Variants in SPAG16 observed in about 807,000 individuals in gnomAD.
SPAG16 encodes sperm-associated antigen 16 protein.
A neutral mutation model predicts 80.4 loss-of-function variants in SPAG16; 86 were observed. The observed-to-expected ratio is 1.07, with a 90% CI of 0.90 to 1.28. The LOEUF (loss-of-function observed/expected upper bound fraction) is 1.28. Ranked by LOEUF, SPAG16 falls within the 50% of genes most tolerant of loss-of-function variation. The probability of loss-of-function intolerance (pLI) is 0.00; values close to 1 mark genes in which losing one functional copy is unlikely to be tolerated. For missense variants in SPAG16, 870 were observed against 765.3 expected, an observed-to-expected ratio of 1.14 and a Z score of -1.61; for synonymous variants, 294 against 265.9, an observed-to-expected ratio of 1.11 and a Z score of -1.03.
intron 10 of SPAG16, among the ~76,000 whole-genome samples, chr2:213,572,987 A>G (rs1057310269): frequency 6.6e-6 from 1 of 152,188 alleles, no homozygotes; most frequent in African/African-American, 2.4e-5. Context: ...TTCGGGTGGG[A>G]GTGACCCGAT....
At chr2:213,823,672 C>CT (rs1238385557) in intron 10 of SPAG16, among the ~76,000 whole-genome samples, 2 of 152,064 alleles carry the variant, frequency 1.3e-5, no homozygotes, top group South Asian at 4.1e-4. Context: ...GCCTGTTGAG[C>CT]TTTTTTTCAT....
chr2:214,247,278 T>C (rs767109352), intron 15 of SPAG16, among the ~76,000 whole-genome samples: 15 of 152,156 alleles, frequency 9.9e-5, no homozygotes, highest in African/African-American at 3.1e-4. Context: ...TTTTAGGATA[T>C]TCTTTTATAT....
intron 15 of SPAG16, chr2:214,239,393 T>G (rs1689308184): frequency 6.6e-6 from 1 of 152,122 alleles, no homozygotes; most frequent in Non-Finnish European, 1.5e-5. Flanking sequence ...CTCTAGAACT[T>G]TTTCATTTTG....
At chr2:213,582,954 A>C in intron 10 of SPAG16, among the ~76,000 whole-genome samples, 1 of 152,184 alleles carries the variant, frequency 6.6e-6, no homozygotes, top group East Asian at 1.9e-4. Flanking sequence ...CATAACACAA[A>C]TGTAAAAATG....
intron 10 of SPAG16, among the ~76,000 whole-genome samples, chr2:213,819,739 G>T (rs1414941809): frequency 5.3e-5 from 8 of 151,276 alleles, no homozygotes; most frequent in African/African-American, 1.9e-4. Flanking sequence ...TTTTTTGTTT[G>T]ATTGTTTGTT....
rs140690431 is a variant in SPAG16, at chr2:213,821,431, T to C, written c.1071-41054T>C. Among the ~76,000 whole-genome samples the C allele has an allele frequency of 1.0e-3, 156 of 152,284 alleles. 1 individual carries two copies. The highest frequency in any genetic ancestry group is 3.6e-3 in the African/African-American group (149 of 41,576). On this transcript the variant is annotated intron_variant, in intron 10 of 15. Transcript: ENST00000331683. ...GTTCTTTTTTAAATTTTTAATTGTGTGTATAGTAGGTATACATATTTATAG... is the reference window on the plus strand; with the variant it reads ...GTTCTTTTTTAAATTTTTAATTGTGCGTATAGTAGGTATACATATTTATAG...
At chr2:213,720,370 G>T (rs1411662812) in intron 10 of SPAG16, among the ~76,000 whole-genome samples, 1 of 151,616 alleles carries the variant, frequency 6.6e-6, no homozygotes, top group Non-Finnish European at 1.5e-5. Flanking sequence ...GCTAACACCT[G>T]TAATCCCAGC....
At chr2:213,416,154 C>G (rs1278641828) in intron 9 of SPAG16, among the ~76,000 whole-genome samples, 1 of 152,144 alleles carries the variant, frequency 6.6e-6, no homozygotes, top group East Asian at 1.9e-4. Context: ...AAGCTCTTGG[C>G]TGAATGGGGG....
chr2:214,409,268 CTAAGTA>C lies in SPAG16; in HGVS notation c.1721-870_1721-865del, dbSNP rs576038175. Among the ~76,000 whole-genome samples the C allele has an allele frequency of 1.5e-4, 23 of 152,014 alleles. No individual in the cohort carries two copies. The South Asian group carries it at 4.8e-3, about 32-fold the overall frequency. On this transcript the variant is annotated intron_variant, in intron 15 of 15. Coordinates refer to ENST00000331683, the MANE Select transcript of SPAG16 (RefSeq NM_024532.5). Reference sequence around the variant, plus strand: ...TATTACTGAAACAATAATATGCCTTCTAAGTATGATTAAATAATCCCATGGATAGTA... The same window carrying C: ...TATTACTGAAACAATAATATGCCTTCTGATTAAATAATCCCATGGATAGTA...
intron 10 of SPAG16, among the ~76,000 whole-genome samples, chr2:213,603,398 C>G (rs2061137215): frequency 6.6e-6 from 1 of 152,216 alleles, no homozygotes; most frequent in African/African-American, 2.4e-5. Context: ...CTGGTTTTCT[C>G]ACTTTGATTA....
At chr2:213,617,929 G>C (rs1451337705) in intron 10 of SPAG16, among the ~76,000 whole-genome samples, 1 of 152,180 alleles carries the variant, frequency 6.6e-6, no homozygotes, top group African/African-American at 2.4e-5. Context: ...TGGTGGTGCT[G>C]TGTGTCTACA....
At chr2:213,792,109 A>G (rs1055995785) in intron 10 of SPAG16, among the ~76,000 whole-genome samples, 8 of 152,362 alleles carry the variant, frequency 5.3e-5, no homozygotes, top group Middle Eastern at 3.4e-3. Context: ...AGTGTTACCA[A>G]TTAAAAACAA....
At chr2:214,030,831 C>T (rs2048370661) in intron 13 of SPAG16, among the ~76,000 whole-genome samples, 1 of 152,220 alleles carries the variant, frequency 6.6e-6, no homozygotes, top group South Asian at 2.1e-4. Context: ...CTGCATCTCT[C>T]TGTTTCTCTG....
intron 10 of SPAG16, among the ~76,000 whole-genome samples, chr2:213,732,707 G>C (rs1042592259): frequency 2.0e-5 from 3 of 152,122 alleles, no homozygotes; most frequent in Non-Finnish European, 4.4e-5. Context: ...CCATGAGCAT[G>C]GAATAATGTT....
At chr2:214,199,819 C>G (rs900499327) in intron 15 of SPAG16, among the ~76,000 whole-genome samples, 1 of 152,046 alleles carries the variant, frequency 6.6e-6, no homozygotes, top group Non-Finnish European at 1.5e-5. Context: ...CTTTCACCTC[C>G]TTGGTTAAGT....
chr2:214,166,266 A>G (rs2056652139), intron 15 of SPAG16, among the ~76,000 whole-genome samples: 1 of 152,120 alleles, frequency 6.6e-6, no homozygotes. Flanking sequence ...TCCTCCACTC[A>G]TCCATTCTAT....
chr2:213,400,498 A>T (rs1575486343), intron 9 of SPAG16, among the ~76,000 whole-genome samples: 3 of 152,148 alleles, frequency 2.0e-5, no homozygotes, highest in African/African-American at 7.2e-5. Flanking sequence ...GAAATAAATC[A>T]TGGTCAGAAT....
chr2:213,312,254 C>T (rs774162991), intron 4 of SPAG16, among the ~76,000 whole-genome samples: 15 of 151,556 alleles, frequency 9.9e-5, no homozygotes, highest in South Asian at 2.1e-4. Context: ...CTATGAACCA[C>T]TGAAAAGTTT....
intron 12 of SPAG16, among the ~76,000 whole-genome samples, chr2:213,984,803 C>T (rs1332617221): frequency 3.3e-5 from 5 of 152,056 alleles, no homozygotes; most frequent in African/African-American, 4.8e-5. Flanking sequence ...CTAGTGCTGA[C>T]GCCACTAGCC....
Sources: allele counts gnomAD v4.1 joint callset (sites outside exome capture counted in the v4.1 genomes callset), GRCh38; gene constraint gnomAD v4.1.1; transcripts MANE v1.5; gene names NCBI Gene and HGNC (gene_info 2026-07-23, HGNC 2026-07-21).